Variants in LUZP2 observed in about 807,000 individuals in gnomAD.
LUZP2 encodes leucine zipper protein 2.
LUZP2 carries 52 observed loss-of-function variants against 51.6 expected under a neutral mutation model. That is an observed-to-expected ratio of 1.01 (90% CI 0.81 to 1.27). LUZP2 has a LOEUF of 1.27. LUZP2 is among the 50% of genes most tolerant of loss of function. The pLI is 0.00. For missense variants in LUZP2, 436 were observed against 395.4 expected (o/e 1.10, Z -0.87); for synonymous variants, 154 against 137.3 (o/e 1.12, Z -0.85).
In LUZP2 at chr11:24,983,148, AAG is replaced by A; in HGVS notation, c.624_625del (p.Glu208AspfsTer12). 1 of 1,611,792 alleles carries A rather than the reference AAG, an allele frequency of 6.2e-7. No individual in the cohort carries two copies. Among genetic ancestry groups the A allele is most frequent in the Non-Finnish European group, 8.5e-7 (1 of 1,178,646 alleles). On this transcript the variant is annotated frameshift_variant, in exon 9 of 12. Coordinates refer to ENST00000336930, the MANE Select transcript of LUZP2 (RefSeq NM_001009909.4). LOFTEE classifies it high-confidence loss of function. Reference sequence around the variant, plus strand: ...TAGGAGTCACAGATGAAAGCAATGAAAGAGACTGTGCAGCTCTGCTTGACATC... The same window carrying A: ...TAGGAGTCACAGATGAAAGCAATGAAAGACTGTGCAGCTCTGCTTGACATC...
chr11:24,546,598 C>T (rs1290308059), intron 1 of LUZP2, among the ~76,000 whole-genome samples: 1 of 151,948 alleles, frequency 6.6e-6, no homozygotes, highest in Non-Finnish European at 1.5e-5. Context: ...TATGTTGAAC[C>T]AACTTTGCAT....
intron 9 of LUZP2, among the ~76,000 whole-genome samples, chr11:25,041,801 C>T (rs1336121096): frequency 6.6e-6 from 1 of 152,132 alleles, no homozygotes; most frequent in Non-Finnish European, 1.5e-5. Flanking sequence ...GTTAGGAAGC[C>T]GGCCACACAG....
chr11:24,998,665 G>C (rs1590817760), intron 9 of LUZP2, among the ~76,000 whole-genome samples: 1 of 152,264 alleles, frequency 6.6e-6, no homozygotes, highest in East Asian at 1.9e-4. Flanking sequence ...TTTCACAAGA[G>C]TTAGTAGTTC....
intron 5 of LUZP2, among the ~76,000 whole-genome samples, chr11:24,764,895 G>C (rs932136521): frequency 1.3e-5 from 2 of 152,094 alleles, no homozygotes; most frequent in African/African-American, 4.8e-5. Flanking sequence ...GTCTTGGGAG[G>C]TTATTTTTAT....
intron 1 of LUZP2, among the ~76,000 whole-genome samples, chr11:24,580,450 T>C (rs774020389): frequency 6.6e-5 from 10 of 152,136 alleles, no homozygotes; most frequent in Non-Finnish European, 1.3e-4. Flanking sequence ...TGCACTGTAT[T>C]TAATACAATG....
chr11:24,705,933 G>GAAAA (rs71041793), intron 1 of LUZP2, among the ~76,000 whole-genome samples: 4 of 123,564 alleles, frequency 3.2e-5, no homozygotes, highest in African/African-American at 9.6e-5. Context: ...CGCTAAAAAA[G>GAAAA]AAAAAAAAAA....
At chr11:25,058,398 G>C (rs182735564) in intron 10 of LUZP2, among the ~76,000 whole-genome samples, 1 of 151,998 alleles carries the variant, frequency 6.6e-6, no homozygotes, top group African/African-American at 2.4e-5. Flanking sequence ...CCCAGTAACC[G>C]TGTTAATATA....
In LUZP2 at chr11:25,003,382, CAGA is replaced by C. The variant is rs539131759; in HGVS notation, c.765+20095_765+20097del. 1.7e-4 allele frequency among the ~76,000 whole-genome samples: 26 copies of C among 152,284 alleles called. 1 individual carries two copies. In the Middle Eastern group the frequency reaches 0.01, roughly 60 times the overall value. ...TGGGGAGTCAGAGTGCAGGCGAATA[CAGA>C]AGAAGGCATCCTTGAGGTCCAGAAC... On this transcript the variant is annotated intron_variant, in intron 9 of 11. Coordinates refer to ENST00000336930, the MANE Select transcript of LUZP2 (RefSeq NM_001009909.4).
At chr11:24,716,765 A>C (rs1005848980) in intron 1 of LUZP2, among the ~76,000 whole-genome samples, 139 of 152,110 alleles carry the variant, frequency 9.1e-4, no homozygotes, top group African/African-American at 3.3e-3. Flanking sequence ...GCATGATGGC[A>C]GGCAACTGTA....
intron 7 of LUZP2, among the ~76,000 whole-genome samples, chr11:24,973,046 G>A (rs1464714781): frequency 9.3e-5 from 12 of 128,386 alleles, no homozygotes; most frequent in African/African-American, 2.0e-4. Flanking sequence ...CTGTAAATCC[G>A]TCTGGTCCTG....
chr11:24,934,113 G>C (rs1854530676), intron 7 of LUZP2, among the ~76,000 whole-genome samples: 1 of 152,148 alleles, frequency 6.6e-6, no homozygotes, highest in Non-Finnish European at 1.5e-5. Context: ...GATCAGTTAG[G>C]GTGGGGCAGG....
At chr11:24,986,180 T>C (rs1256567918) in intron 9 of LUZP2, among the ~76,000 whole-genome samples, 1 of 151,714 alleles carries the variant, frequency 6.6e-6, no homozygotes, top group East Asian at 1.9e-4. Context: ...GGCTTATACA[T>C]GCTTGCAAAA....
intron 10 of LUZP2, among the ~76,000 whole-genome samples, chr11:25,068,445 A>G (rs1315596090): frequency 6.6e-6 from 1 of 151,994 alleles, no homozygotes; most frequent in Non-Finnish European, 1.5e-5. Context: ...CTAACTTCTA[A>G]CAAATGTTGC....
intron 1 of LUZP2, among the ~76,000 whole-genome samples, chr11:24,639,487 T>C (rs1565046367): frequency 6.6e-6 from 1 of 151,780 alleles, no homozygotes. Flanking sequence ...GTTTCACTCT[T>C]GTTGCCCAGG....
chr11:24,772,174 C>T (rs1007358870), intron 5 of LUZP2, among the ~76,000 whole-genome samples: 1 of 152,014 alleles, frequency 6.6e-6, no homozygotes, highest in African/African-American at 2.4e-5. Context: ...AGAAGAAGTC[C>T]TTGACTAAAA....
chr11:24,835,965 T>G (rs540635831), intron 5 of LUZP2, among the ~76,000 whole-genome samples: 1 of 152,084 alleles, frequency 6.6e-6, no homozygotes, highest in South Asian at 2.1e-4. Context: ...GAAGGAAGAT[T>G]AAAAAATTTA....
At chr11:24,648,787 A>G (rs1389601720) in intron 1 of LUZP2, among the ~76,000 whole-genome samples, 1 of 152,000 alleles carries the variant, frequency 6.6e-6, no homozygotes, top group Non-Finnish European at 1.5e-5. Flanking sequence ...TACTCTACAA[A>G]CTCAGATGAG....
At chr11:24,830,459 A>T (rs867229747) in intron 5 of LUZP2, among the ~76,000 whole-genome samples, 5 of 152,212 alleles carry the variant, frequency 3.3e-5, no homozygotes, top group Admixed American at 1.3e-4. Context: ...AGTAGGCCTC[A>T]TTGGTCTGTC....
intron 5 of LUZP2, among the ~76,000 whole-genome samples, chr11:24,775,681 T>C (rs1848895272): frequency 6.6e-6 from 1 of 152,104 alleles, no homozygotes; most frequent in Admixed American, 6.6e-5. Flanking sequence ...ATAACACCAT[T>C]GTATACAATC....
Sources: allele counts gnomAD v4.1 joint callset (sites outside exome capture counted in the v4.1 genomes callset), GRCh38; gene constraint gnomAD v4.1.1; transcripts MANE v1.5; gene names NCBI Gene and HGNC (gene_info 2026-07-23, HGNC 2026-07-21).